Variants in ZHX2 observed in about 807,000 individuals in gnomAD.
ZHX2 encodes the protein zinc fingers and homeoboxes protein 2.
In ZHX2, 6 loss-of-function variants were observed where a neutral mutation model predicts 21.9. The ratio of observed to expected loss-of-function variants is 0.27; its 90% confidence interval spans 0.15 to 0.54. ZHX2 has a LOEUF of 0.54. Ranked by LOEUF, ZHX2 falls within the 20% of genes least tolerant of loss-of-function variation. The pLI is 0.95. For missense variants in ZHX2, 908 were observed against 1,090.7 expected, an observed-to-expected ratio of 0.83 and a Z score of 2.36; for synonymous variants, 434 against 437.1, an observed-to-expected ratio of 0.99 and a Z score of 0.09.
At chr8:122,793,354 ACCTGGGCATCATAAGTCCCAGCCACAGAG>A (rs1226436472) in intron 1 of ZHX2, among the ~76,000 whole-genome samples, 1 of 152,164 alleles carries the variant, frequency 6.6e-6, no homozygotes, top group Non-Finnish European at 1.5e-5. Context: ...ACTGATCCTG[ACCTGGGCATCATAAGTCCCAGCCACAGAG>A]CCCAGCACTG....
At chr8:122,920,139 T>C (rs1440292119) in intron 2 of ZHX2, among the ~76,000 whole-genome samples, 1 of 152,098 alleles carries the variant, frequency 6.6e-6, no homozygotes, top group Non-Finnish European at 1.5e-5. Context: ...CCAGGTGTGG[T>C]AGTACATGCC....
At chr8:122,940,871 C>A (rs540219834) in intron 2 of ZHX2, among the ~76,000 whole-genome samples, 15 of 152,220 alleles carry the variant, frequency 9.9e-5, no homozygotes, top group African/African-American at 3.4e-4. Flanking sequence ...CCTCTCTGAG[C>A]CTCAGTTTCC....
At chr8:122,948,229 G>A (rs531504794) in intron 2 of ZHX2, among the ~76,000 whole-genome samples, 1 of 152,232 alleles carries the variant, frequency 6.6e-6, no homozygotes, top group East Asian at 1.9e-4. Context: ...TCTCTTCAGT[G>A]GGACTCAAAC....
At chr8:122,931,540 A>G (rs1820993561) in intron 2 of ZHX2, among the ~76,000 whole-genome samples, 1 of 152,210 alleles carries the variant, frequency 6.6e-6, no homozygotes, top group Non-Finnish European at 1.5e-5. Context: ...CAGCAGCTTC[A>G]AAGTAAGATC....
chr8:122,938,206 T>G (rs901240261), intron 2 of ZHX2, among the ~76,000 whole-genome samples: 4 of 151,626 alleles, frequency 2.6e-5, no homozygotes, highest in Non-Finnish European at 5.9e-5. Context: ...GTGCCGGGAT[T>G]ACAGGCATGA....
intron 1 of ZHX2, among the ~76,000 whole-genome samples, chr8:122,790,429 C>T (rs187855608): frequency 1.7e-4 from 26 of 152,228 alleles, no homozygotes; most frequent in African/African-American, 6.0e-4. Context: ...TGAGCACCTG[C>T]CAGAGGAAGA....
chr8:122,819,250 C>T (rs952198669), intron 1 of ZHX2, among the ~76,000 whole-genome samples: 1 of 152,300 alleles, frequency 6.6e-6, no homozygotes, highest in East Asian at 1.9e-4. Flanking sequence ...CACGAGGTCA[C>T]CTTGAGCAGG....
Position 122,951,468 on chromosome 8 carries a change from T to G in ZHX2, c.-43T>G. The G allele has an allele frequency of 4.3e-5, 62 of 1,436,742 alleles. No homozygotes were observed. Among genetic ancestry groups the G allele is most frequent in the Non-Finnish European group, 5.5e-5 (57 of 1,035,082 alleles). 89.0% of individuals were successfully genotyped at this position (1,436,742 alleles called of 1,614,324 possible). The stretch of plus-strand genomic sequence containing the variant: ...TTCCAAGAATCTCACCGCCCCCTCC[T>G]TATCCCCCTCCAAAAATAAGCCATT... On this transcript the variant is annotated 5_prime_UTR_variant, in exon 3 of 4. Coordinates refer to ENST00000314393, the MANE Select transcript of ZHX2 (RefSeq NM_014943.5).
At chr8:122,804,360 C>T (rs753031886) in intron 1 of ZHX2, among the ~76,000 whole-genome samples, 17 of 152,284 alleles carry the variant, frequency 1.1e-4, no homozygotes, top group Middle Eastern at 3.4e-3. Context: ...CCACCCACCT[C>T]GGCATCCCAA....
intron 1 of ZHX2, among the ~76,000 whole-genome samples, chr8:122,820,146 C>A (rs1164651344): frequency 6.6e-6 from 1 of 152,140 alleles, no homozygotes. Flanking sequence ...TTACTCAAAC[C>A]CAGGGGGAAA....
intron 1 of ZHX2, among the ~76,000 whole-genome samples, chr8:122,795,139 T>C (rs11775943): frequency 0.3 from 45,573 of 152,148 alleles, 7,372 homozygotes; most frequent in Non-Finnish European, 0.37. Context: ...AGGAAGTGGC[T>C]CTGTCACTAC....
chr8:122,818,433 C>T (rs187246065), intron 1 of ZHX2, among the ~76,000 whole-genome samples: 17 of 152,198 alleles, frequency 1.1e-4, no homozygotes, highest in South Asian at 4.1e-4. Context: ...CAATCAGACC[C>T]GGTCACCTCC....
intron 3 of ZHX2, among the ~76,000 whole-genome samples, chr8:122,966,740 A>T (rs925953868): frequency 6.6e-6 from 1 of 152,202 alleles, no homozygotes; most frequent in Non-Finnish European, 1.5e-5. Context: ...TTATTCCCTC[A>T]AATAAATTTT....
At position 122,804,229 on chromosome 8, in the gene ZHX2, C is replaced by T. The variant is rs548795843; in HGVS notation, c.-283+22283C>T. Among the ~76,000 whole-genome samples, 8 of 152,296 alleles carry T rather than the reference C, an allele frequency of 5.3e-5. No homozygotes were observed. In the South Asian group the frequency reaches 6.2e-4, roughly 12 times the overall value. On this transcript the variant is annotated intron_variant, in intron 1 of 3. Transcript: ENST00000314393. Reference sequence around the variant, plus strand: ...GTTCAAGTGATTCTCCTGCCTCAGCCTCCCAAGCAGCTGGGACCACAGGCG... The same window carrying T: ...GTTCAAGTGATTCTCCTGCCTCAGCTTCCCAAGCAGCTGGGACCACAGGCG...
At chr8:122,825,234 A>G (rs1818239260) in intron 1 of ZHX2, among the ~76,000 whole-genome samples, 1 of 152,154 alleles carries the variant, frequency 6.6e-6, no homozygotes, top group African/African-American at 2.4e-5. Context: ...ATCCTCTTGC[A>G]CATGCACATT....
Position 122,808,319 on chromosome 8 carries a change from T to C in ZHX2, c.-283+26373T>C, listed in dbSNP as rs532325545. 1.2e-3 allele frequency among the ~76,000 whole-genome samples: 183 copies of C among 152,120 alleles called. 1 individual carries two copies. The highest frequency in any genetic ancestry group is 9.3e-4 in the Non-Finnish European group (63 of 67,980). On this transcript the variant is annotated intron_variant, in intron 1 of 3. Coordinates refer to ENST00000314393, the MANE Select transcript of ZHX2 (RefSeq NM_014943.5). Reference sequence around the variant, plus strand: ...CTGGGTAATTTATAAAGGAAAGAGGTTTAATTGACTCACAGTTTAGCATGG... The same window carrying C: ...CTGGGTAATTTATAAAGGAAAGAGGCTTAATTGACTCACAGTTTAGCATGG...
intron 2 of ZHX2, among the ~76,000 whole-genome samples, chr8:122,892,305 A>G (rs1222018378): frequency 2.0e-5 from 3 of 152,122 alleles, no homozygotes; most frequent in Admixed American, 6.5e-5. Context: ...TTTTCTGTCT[A>G]TGTGCGTCTT....
At chr8:122,883,023 A>G (rs913441698) in intron 2 of ZHX2, among the ~76,000 whole-genome samples, 9 of 151,984 alleles carry the variant, frequency 5.9e-5, no homozygotes, top group African/African-American at 2.2e-4. Flanking sequence ...TCACTCCCAG[A>G]GATTGTAACC....
At chr8:122,934,575 C>T (rs1239956942) in intron 2 of ZHX2, among the ~76,000 whole-genome samples, 1 of 152,164 alleles carries the variant, frequency 6.6e-6, no homozygotes, top group Non-Finnish European at 1.5e-5. Flanking sequence ...ATTAGCTTCT[C>T]CCTTCATGGC....
Sources: allele counts gnomAD v4.1 joint callset (sites outside exome capture counted in the v4.1 genomes callset), GRCh38; gene constraint gnomAD v4.1.1; transcripts MANE v1.5; gene names NCBI Gene and HGNC (gene_info 2026-07-23, HGNC 2026-07-21).